UBA52: variants seen among roughly 807,000 people sequenced by gnomAD.
UBA52 encodes ubiquitin A-52 residue ribosomal protein fusion product 1.
Under a neutral mutation model 15.3 loss-of-function variants are expected in UBA52, and 1 was observed. The ratio of observed to expected loss-of-function variants is 0.07; its 90% confidence interval spans 0.02 to 0.31. The LOEUF (loss-of-function observed/expected upper bound fraction) is 0.31, where lower values mean the gene tolerates loss of function less well. UBA52 is among the 10% of genes least tolerant of loss of function. UBA52 has a pLI of 1.00. For synonymous variants in UBA52, 50 were observed against 58.3 expected, an observed-to-expected ratio of 0.86 and a Z score of 0.65; for missense variants, 87 against 168.0, an observed-to-expected ratio of 0.52 and a Z score of 2.66.
At chr19:18,566,397 G>GGCACAGCTTGCA in the UBA52 span, among the ~76,000 whole-genome samples, 1 of 149,398 alleles carries the variant, frequency 6.7e-6, no homozygotes, top group Non-Finnish European at 1.5e-5. Context: ...GAACCCAGGA[G>GGCACAGCTTGCA]GTGAGCCGAG....
At chr19:18,571,016 C>T (rs532285613), upstream of UBA52, among the ~76,000 whole-genome samples, 122 of 151,510 alleles carry the variant, frequency 8.1e-4, no homozygotes, top group Non-Finnish European at 1.4e-3. Flanking sequence ...AAATCTGGAT[C>T]CTACACTGAA....
At chr19:18,573,027 T>C (rs1975582927) in intron 1 of UBA52, 1 of 1,303,082 alleles carries the variant, frequency 7.7e-7, no homozygotes, top group Non-Finnish European at 9.8e-7. Context: ...ATAACCACAG[T>C]CTGTGTTCCT....
upstream of UBA52, chr19:18,567,269 G>C: frequency 7.5e-7 from 1 of 1,327,856 alleles, no homozygotes; most frequent in Non-Finnish European, 1.1e-6. Context: ...GCCTGATACT[G>C]AGACCAGGCT....
At chr19:18,572,990 G>A (rs990055964) in intron 1 of UBA52, 2 of 1,214,690 alleles carry the variant, frequency 1.6e-6, no homozygotes, top group Non-Finnish European at 2.1e-6. Flanking sequence ...ATACTGACGA[G>A]TCCTTCCGCC....
At chr19:18,573,518 CT>C in intron 2 of UBA52, 115 bp downstream of exon 2, 2 of 1,296,934 alleles carry the variant, frequency 1.5e-6, no homozygotes, top group Non-Finnish European at 2.2e-6. Flanking sequence ...GCCCTTGCTT[CT>C]CCATGTGATC....
the UBA52 span, among the ~76,000 whole-genome samples, chr19:18,564,245 G>T: frequency 3.3e-5 from 5 of 152,124 alleles, no homozygotes; most frequent in African/African-American, 7.2e-5. Flanking sequence ...AGACTGAGGG[G>T]AGACAAAGCC....
Position 18,576,519 on chromosome 19 carries a change from A to T in UBA52, c.*1369A>T, listed in dbSNP as rs1185212495. 5.3e-5 allele frequency: 8 copies of T among 152,078 alleles called. No homozygotes were observed. The highest frequency in any genetic ancestry group is 5.2e-4 in the Admixed American group (8 of 15,244). 9.4% of individuals were successfully genotyped at this position (152,078 alleles called of 1,614,324 possible). A position where few individuals can be genotyped will look rare whatever the true frequency, so the allele number is the denominator to read the frequency against. On this transcript the variant is annotated 3_prime_UTR_variant, in exon 5 of 5. Transcript: ENST00000442744. ...CCTTGATCTCCCAGGATCTTGCCTC[A>T]GCCTCCCGAGTAGCTGGGACTGCAT...
rs1975738645 is a variant in UBA52, at chr19:18,575,357, C to G, written c.*207C>G. 2 of 594,754 alleles carry G rather than the reference C, an allele frequency of 3.4e-6. No individual in the cohort carries two copies. Among genetic ancestry groups the G allele is most frequent in the South Asian group, 4.0e-5 (2 of 50,560 alleles). The allele number at this position is 594,754 out of a possible 1,614,324, so 36.8% of individuals were successfully genotyped here. On this transcript the variant is annotated 3_prime_UTR_variant, in exon 5 of 5. Coordinates refer to ENST00000442744, the MANE Select transcript of UBA52 (RefSeq NM_001033930.3). ...CCTGTGGGGTCTTCTGTCCTAGATTCTGTCACATCGGCATTGGTCCCTGCC... is the reference window on the plus strand; with the variant it reads ...CCTGTGGGGTCTTCTGTCCTAGATTGTGTCACATCGGCATTGGTCCCTGCC...
chr19:18,564,962 C>T, the UBA52 span: 3 of 1,612,500 alleles, frequency 1.9e-6, no homozygotes, highest in East Asian at 2.2e-5. Context: ...GCTTCCTGCA[C>T]CACACGAGGA....
the UBA52 span, chr19:18,565,234 T>G: frequency 4.0e-5 from 52 of 1,308,924 alleles, no homozygotes; most frequent in African/African-American, 7.6e-4. Flanking sequence ...GACAGAGTTT[T>G]TTTTTTTTTT....
upstream of UBA52, chr19:18,568,402 A>C (rs753620983): frequency 6.2e-7 from 1 of 1,612,236 alleles, no homozygotes; most frequent in South Asian, 1.1e-5. Flanking sequence ...CTTCCCCCAG[A>C]TATCCCAGAG....
chr19:18,566,434 C>T, the UBA52 span, among the ~76,000 whole-genome samples: 59 of 139,028 alleles, frequency 4.2e-4, no homozygotes, highest in South Asian at 1.1e-3. Context: ...CAAGCCTGGG[C>T]GACAGAGCGA....
chr19:18,564,905 C>G, the UBA52 span: 1 of 1,613,788 alleles, frequency 6.2e-7, no homozygotes. Flanking sequence ...AGATGCTGCT[C>G]AACTTCAACA....
At chr19:18,567,907 C>T (rs2145261395), upstream of UBA52, among the ~76,000 whole-genome samples, 1 of 152,296 alleles carries the variant, frequency 6.6e-6, no homozygotes, top group South Asian at 2.1e-4. Flanking sequence ...GTGTCCCTTC[C>T]TCACCTCACC....
chr19:18,563,922 T>C, the UBA52 span, among the ~76,000 whole-genome samples: 2 of 150,856 alleles, frequency 1.3e-5, no homozygotes, highest in Non-Finnish European at 3.0e-5. Context: ...AGTTTCGCAC[T>C]GTCACCCAGG....
chr19:18,567,333 G>T, upstream of UBA52: 1 of 741,294 alleles, frequency 1.3e-6, no homozygotes, highest in South Asian at 1.6e-5. Context: ...TCAGGGTGCT[G>T]GCCTGGTCCT....
Position 18,575,326 on chromosome 19 carries a change from G to T in UBA52, c.*176G>T. 4.5e-6 allele frequency: 3 copies of T among 673,218 alleles called. No homozygotes were observed. The highest frequency in any genetic ancestry group is 7.5e-6 in the Non-Finnish European group (3 of 398,202). The allele number at this position is 673,218 out of a possible 1,614,324, so 41.7% of individuals were successfully genotyped here. On this transcript the variant is annotated 3_prime_UTR_variant, in exon 5 of 5. Coordinates refer to ENST00000442744, the MANE Select transcript of UBA52 (RefSeq NM_001033930.3). The stretch of plus-strand genomic sequence containing the variant: ...GGGACTCTACTCAGCACTCCATTCT[G>T]TGCCACCTGTGGGGTCTTCTGTCCT...
chr19:18,573,128 C>G (rs1415793802), intron 1 of UBA52, 165 bp from the exon 2 acceptor site: 2 of 1,130,580 alleles, frequency 1.8e-6, no homozygotes, highest in Non-Finnish European at 2.5e-6. Flanking sequence ...TGTGAGAAGC[C>G]TAGCAGGGCC....
the UBA52 span, chr19:18,565,125 T>C: frequency 6.5e-7 from 1 of 1,530,204 alleles, no homozygotes. Flanking sequence ...TTTCTGTTTG[T>C]TTTACAAGGC....
Sources: gnomAD v4.1 joint callset for allele counts (sites outside exome capture counted in the v4.1 genomes callset) on GRCh38, gnomAD v4.1.1 for gene constraint, MANE v1.5 for transcripts, NCBI Gene and HGNC (gene_info 2026-07-23, HGNC 2026-07-21) for gene names.